The following HDAC4 variants were observed in gnomAD, a reference collection of about 807,000 sequenced individuals.
HDAC4 encodes the protein histone deacetylase A.
A neutral mutation model predicts 135.1 loss-of-function variants in HDAC4; 16 were observed. The observed-to-expected ratio is 0.12, with a 90% confidence interval of 0.08 to 0.18. The LOEUF (loss-of-function observed/expected upper bound fraction) is 0.18, where lower values mean the gene tolerates loss of function less well. Among genes scored for constraint, HDAC4 ranks in the 10% least tolerant of loss-of-function variants. The probability of loss-of-function intolerance (pLI) is 1.00; values close to 1 mark genes in which losing one functional copy is unlikely to be tolerated. For missense variants in HDAC4, 1,143 were observed against 1,511.8 expected (o/e 0.76, Z 4.05); for synonymous variants, 685 against 653.4 (o/e 1.05, Z -0.74).
At chr2:239,304,596 A>T (rs1028980906) in intron 2 of HDAC4, among the ~76,000 whole-genome samples, 1 of 152,152 alleles carries the variant, frequency 6.6e-6, no homozygotes, top group African/African-American at 2.4e-5. Flanking sequence ...AAAGGGACTG[A>T]CTGGTGAAAA....
intron 22 of HDAC4, among the ~76,000 whole-genome samples, chr2:239,070,595 T>A (rs1268305603): frequency 1.3e-5 from 2 of 152,192 alleles, no homozygotes; most frequent in African/African-American, 4.8e-5. Flanking sequence ...TCTCCTTCAC[T>A]CCCTCTGTGG....
intron 1 of HDAC4, among the ~76,000 whole-genome samples, chr2:239,375,152 A>G (rs549845412): frequency 6.6e-6 from 1 of 152,288 alleles, no homozygotes; most frequent in African/African-American, 2.4e-5. Flanking sequence ...GACATTGGGA[A>G]CCAGGCAGCA....
chr2:239,149,611 G>A (rs2152929354), intron 7 of HDAC4, among the ~76,000 whole-genome samples: 1 of 152,266 alleles, frequency 6.6e-6, no homozygotes, highest in South Asian at 2.1e-4. Flanking sequence ...CCAGATGCTG[G>A]GCACAGGGTG....
chr2:239,234,259 C>T (rs1353436596), intron 3 of HDAC4, among the ~76,000 whole-genome samples: 1 of 152,132 alleles, frequency 6.6e-6, no homozygotes, highest in Non-Finnish European at 1.5e-5. Context: ...TTTAAAATTA[C>T]CCTGCAAACA....
intron 12 of HDAC4, among the ~76,000 whole-genome samples, chr2:239,123,100 C>T (rs1206040778): frequency 1.3e-5 from 2 of 152,208 alleles, no homozygotes; most frequent in African/African-American, 2.4e-5. Context: ...TGAGAGTACC[C>T]GGTTTCTAAA....
intron 2 of HDAC4, among the ~76,000 whole-genome samples, chr2:239,325,123 A>G (rs2053432310): frequency 6.6e-6 from 1 of 152,226 alleles, no homozygotes; most frequent in African/African-American, 2.4e-5. Flanking sequence ...TATAAGAACT[A>G]AAACCATAAA....
Position 239,103,638 on chromosome 2 carries a change from C to T in HDAC4, c.2113-742G>A, listed in dbSNP as rs3828201. ...AGGTGGCCCCGGTTGTGGCTGTTAC[C>T]TGCTTCCCCCAGGCCTGAGCAGGAT... On this transcript the variant is annotated intron_variant, in intron 15 of 26. Coordinates refer to ENST00000543185, the MANE Select transcript of HDAC4 (RefSeq NM_001378414.1). Among the ~76,000 whole-genome samples, 58 of 152,362 alleles carry T rather than the reference C, an allele frequency of 3.8e-4. No individual in the cohort carries two copies. The East Asian group carries it at 0.011, about 28-fold the overall frequency.
In HDAC4 at chr2:239,263,950, T is replaced by C. The variant is rs1330209270; in HGVS notation, c.23-27286A>G. On this transcript the variant is annotated intron_variant, in intron 2 of 26. Coordinates refer to ENST00000543185, the MANE Select transcript of HDAC4 (RefSeq NM_001378414.1). ...TGTCTGGCCACTGCTCCCCTCAGTC[T>C]GAAAGGAAGGGTACGTGGGCACCTC... 5.9e-5 allele frequency among the ~76,000 whole-genome samples: 9 copies of C among 152,080 alleles called. No homozygotes were observed. In the South Asian group the frequency reaches 1.9e-3, roughly 32 times the overall value.
At chr2:239,163,686 C>T (rs1157038344) in intron 6 of HDAC4, 117 bp downstream of exon 6, 2 of 1,106,592 alleles carry the variant, frequency 1.8e-6, no homozygotes, top group African/African-American at 3.1e-5. Flanking sequence ...GTTTCAATTC[C>T]TCACCCTCCT....
At chr2:239,253,961 A>C (rs1441676832) in intron 2 of HDAC4, among the ~76,000 whole-genome samples, 1 of 152,154 alleles carries the variant, frequency 6.6e-6, no homozygotes, top group Non-Finnish European at 1.5e-5. Flanking sequence ...TGTCTGGTCT[A>C]TGAAAAGAGA....
At chr2:239,156,599 G>T in intron 7 of HDAC4, 53 bp downstream of exon 7, 1 of 1,613,158 alleles carries the variant, frequency 6.2e-7, no homozygotes, top group Non-Finnish European at 8.5e-7. Context: ...CTTGTGGCGT[G>T]GAAGGTGCCC....
chr2:239,288,183 G>T (rs1352749183), intron 2 of HDAC4, among the ~76,000 whole-genome samples: 1 of 152,096 alleles, frequency 6.6e-6, no homozygotes, highest in Non-Finnish European at 1.5e-5. Flanking sequence ...TCACAAACAA[G>T]CTGAATCCAC....
intron 2 of HDAC4, among the ~76,000 whole-genome samples, chr2:239,337,408 A>AT (rs1364939954): frequency 2.0e-5 from 3 of 152,174 alleles, no homozygotes; most frequent in African/African-American, 7.2e-5. Flanking sequence ...TACAAGCTCC[A>AT]TTCACAGAAA....
chr2:239,194,817 A>T lies in HDAC4; in HGVS notation c.95-4740T>A, dbSNP rs569269660. Reference sequence around the variant, plus strand: ...GCAACTGAGGAGGAGGAGGGCAGGCAGGCAGGGCTCCTTCCAGCCACTCCA... The same window carrying T: ...GCAACTGAGGAGGAGGAGGGCAGGCTGGCAGGGCTCCTTCCAGCCACTCCA... On this transcript the variant is annotated intron_variant, in intron 3 of 26. Transcript: ENST00000543185. Among the ~76,000 whole-genome samples the T allele has an allele frequency of 2.0e-5, 3 of 152,348 alleles. No homozygotes were observed. The East Asian group carries it at 5.8e-4, about 29-fold the overall frequency.
At chr2:239,375,169 C>G (rs1694918188) in intron 1 of HDAC4, among the ~76,000 whole-genome samples, 1 of 152,170 alleles carries the variant, frequency 6.6e-6, no homozygotes, top group African/African-American at 2.4e-5. Context: ...AGCAGGAACG[C>G]CCAGATGTGC....
At chr2:239,341,300 G>T (rs1692283271) in intron 2 of HDAC4, among the ~76,000 whole-genome samples, 1 of 152,266 alleles carries the variant, frequency 6.6e-6, no homozygotes, top group Non-Finnish European at 1.5e-5. Flanking sequence ...GAGACTGCAG[G>T]TGTTCAGGCA....
rs116685924 is a variant in HDAC4 at position 239,321,786 on chromosome 2, C to T, written c.22+30892G>A. Among the ~76,000 whole-genome samples the T allele has an allele frequency of 9.7e-3, 1,476 of 152,238 alleles. 11 individuals are homozygous for T. The highest frequency in any genetic ancestry group is 0.017 in the Admixed American group (254 of 15,286). The stretch of plus-strand genomic sequence containing the variant: ...AGAGCACAGAACATCACAGCTCCCG[C>T]CCACACCAGGACTTCCCCTAGACAC... On this transcript the variant is annotated intron_variant, in intron 2 of 26. Transcript: ENST00000543185.
intron 5 of HDAC4, among the ~76,000 whole-genome samples, chr2:239,176,002 G>T (rs1370615988): frequency 1.3e-5 from 2 of 152,084 alleles, no homozygotes; most frequent in African/African-American, 4.8e-5. Flanking sequence ...GGGGGTGGGG[G>T]TCCCATTCCT....
chr2:239,184,292 T>C (rs1575328550), intron 4 of HDAC4, among the ~76,000 whole-genome samples: 1 of 136,494 alleles, frequency 7.3e-6, no homozygotes, highest in African/African-American at 2.8e-5. Flanking sequence ...TATGGGGGGG[T>C]CCCTAAGTGT....
Sources: gnomAD v4.1 joint callset for allele counts (sites outside exome capture counted in the v4.1 genomes callset) on GRCh38, gnomAD v4.1.1 for gene constraint, MANE v1.5 for transcripts, NCBI Gene and HGNC (gene_info 2026-07-23, HGNC 2026-07-21) for gene names.